GNG7: variants seen among roughly 807,000 people sequenced by gnomAD.
GNG7 encodes the protein G protein subunit gamma 7, also known as guanine nucleotide-binding protein G(I)/G(S)/G(O) subunit gamma-7.
In GNG7, 1 loss-of-function variant was observed where a neutral mutation model predicts 4.0. That is an observed-to-expected ratio of 0.25 (90% CI 0.09 to 1.18). GNG7 has a LOEUF of 1.18. Ranked by LOEUF, GNG7 falls within the 50% of genes most tolerant of loss-of-function variation. The probability of loss-of-function intolerance (pLI) is 0.50; values close to 1 mark genes in which losing one functional copy is unlikely to be tolerated. For missense variants in GNG7, 86 were observed against 91.9 expected (o/e 0.94, Z 0.26); for synonymous variants, 34 against 36.9 (o/e 0.92, Z 0.29).
intron 1 of GNG7, among the ~76,000 whole-genome samples, chr19:2,662,919 T>C (rs1419583175): frequency 6.6e-6 from 1 of 152,136 alleles, no homozygotes. Flanking sequence ...AGTCGACTTA[T>C]CATCATACAA....
intron 1 of GNG7, among the ~76,000 whole-genome samples, chr19:2,696,140 G>A (rs372225668): frequency 3.5e-4 from 53 of 149,966 alleles, no homozygotes; most frequent in Middle Eastern, 3.4e-3. Context: ...CCGGGAGACA[G>A]AGCAAGACTC....
chr19:2,512,944 A>G lies in GNG7; in HGVS notation c.*2078T>C, dbSNP rs941367483. Reference sequence around the variant, plus strand: ...CCCTGCCGGCTCCCAGCCCAACCACAGGAGGCTGCAGTCTCCGGGAGCCTC... The same window carrying G: ...CCCTGCCGGCTCCCAGCCCAACCACGGGAGGCTGCAGTCTCCGGGAGCCTC... On this transcript the variant is annotated 3_prime_UTR_variant, in exon 5 of 5. Transcript: ENST00000382159. The surrounding 1 kb of genome is among the most constrained non-coding windows in gnomAD (Gnocchi z 4.7). 6.1e-5 allele frequency: 60 copies of G among 985,360 alleles called. No homozygotes were observed. In the African/African-American group the frequency reaches 9.9e-4, roughly 16 times the overall value. The allele number at this position is 985,360 out of a possible 1,614,324, so 61.0% of individuals were successfully genotyped here.
intron 2 of GNG7, among the ~76,000 whole-genome samples, chr19:2,593,152 A>T (rs546635219): frequency 6.6e-6 from 1 of 152,350 alleles, no homozygotes. Context: ...AGCACAGACT[A>T]AAAACTTCAA....
In GNG7 at chr19:2,539,433, C is replaced by T. The variant is rs986446581; in HGVS notation, c.-38+15716G>A. On this transcript the variant is annotated intron_variant, in intron 3 of 4. Coordinates refer to ENST00000382159, the MANE Select transcript of GNG7 (RefSeq NM_052847.3). Reference sequence around the variant, plus strand: ...GATTCTCCTGCCTCAGCCTCCCGAGCAGCTGGGATTACAGGTGTCCGCCAC... The same window carrying T: ...GATTCTCCTGCCTCAGCCTCCCGAGTAGCTGGGATTACAGGTGTCCGCCAC... Among the ~76,000 whole-genome samples, 7 of 151,388 alleles carry T rather than the reference C, an allele frequency of 4.6e-5. No individual in the cohort carries two copies. In the East Asian group the frequency reaches 9.7e-4, roughly 21 times the overall value.
At chr19:2,589,817 T>C (rs772203340) in intron 2 of GNG7, among the ~76,000 whole-genome samples, 20 of 152,060 alleles carry the variant, frequency 1.3e-4, no homozygotes, top group Non-Finnish European at 5.9e-5. Flanking sequence ...CCCATTGACA[T>C]GAAATGTTCA....
rs186591321 is a variant in GNG7, at chr19:2,540,891, T to A, written c.-38+14258A>T. Among the ~76,000 whole-genome samples, 13 of 152,208 alleles carry A rather than the reference T, an allele frequency of 8.5e-5. No individual in the cohort carries two copies. The East Asian group carries it at 2.5e-3, about 29-fold the overall frequency. On this transcript the variant is annotated intron_variant, in intron 3 of 4. Transcript: ENST00000382159. ...TGAATTCCAAGCATAGTTCTCATAG[T>A]TGGGAAAGTGCCACTCCCGGCTCGA...
chr19:2,654,423 G>A (rs1031838666), intron 1 of GNG7, among the ~76,000 whole-genome samples: 3 of 151,982 alleles, frequency 2.0e-5, no homozygotes, highest in Non-Finnish European at 2.9e-5. Context: ...CAGCATCCCT[G>A]GCCTCCACCC....
intron 3 of GNG7, among the ~76,000 whole-genome samples, chr19:2,542,392 A>G (rs1978992411): frequency 6.6e-6 from 1 of 152,032 alleles, no homozygotes; most frequent in African/African-American, 2.4e-5. Context: ...CTGGGATTAC[A>G]GGTGCGAGTC....
intron 1 of GNG7, among the ~76,000 whole-genome samples, chr19:2,646,994 G>A (rs750632083): frequency 2.0e-5 from 3 of 152,286 alleles, no homozygotes; most frequent in Admixed American, 1.3e-4. Flanking sequence ...TGCATCCTGG[G>A]AAGTCCCTCA....
intron 3 of GNG7, among the ~76,000 whole-genome samples, chr19:2,551,037 C>T (rs925324339): frequency 1.3e-5 from 2 of 152,176 alleles, no homozygotes; most frequent in East Asian, 3.9e-4. Flanking sequence ...GACCTAATCC[C>T]CACGGCACGT....
At chr19:2,581,129 CAAGA>C (rs1980490201) in intron 2 of GNG7, among the ~76,000 whole-genome samples, 1 of 152,050 alleles carries the variant, frequency 6.6e-6, no homozygotes, top group Admixed American at 6.6e-5. Flanking sequence ...TATCAGGCCT[CAAGA>C]AAGACTTCCA....
intron 3 of GNG7, chr19:2,538,762 ATTTTTCT>A (rs778719349): frequency 2.5e-5 from 10 of 393,128 alleles, no homozygotes; most frequent in South Asian, 1.9e-4. Context: ...AGATATATAT[ATTTTTCT>A]TTTTTTTCTT....
intron 2 of GNG7, chr19:2,643,246 C>G (rs982021536): frequency 1.2e-5 from 5 of 414,524 alleles, no homozygotes; most frequent in African/African-American, 1.2e-4. Flanking sequence ...AAAGTCTGAG[C>G]CTCTCCGGGC....
intron 1 of GNG7, among the ~76,000 whole-genome samples, chr19:2,663,350 C>T (rs571710261): frequency 2.3e-4 from 35 of 151,658 alleles, no homozygotes; most frequent in Admixed American, 7.2e-4. Flanking sequence ...CTCTCTCCCC[C>T]CCCTCCTCTT....
chr19:2,553,586 C>T (rs189961997), intron 3 of GNG7, among the ~76,000 whole-genome samples: 133 of 148,756 alleles, frequency 8.9e-4, no homozygotes, highest in African/African-American at 2.9e-3. Flanking sequence ...ATCACATACA[C>T]GCACATATTA....
intron 1 of GNG7, among the ~76,000 whole-genome samples, chr19:2,696,322 GAAAGAAAGAAAGAAAGAAAGAAAGA>G (rs1568287884): frequency 3.1e-5 from 4 of 130,294 alleles, no homozygotes; most frequent in African/African-American, 1.2e-4. Flanking sequence ...AAGAAAGAAA[GAAAGAAAGAAAGAAAGAAAGAAAGA>G]AAAGAAAGAA....
intron 1 of GNG7, among the ~76,000 whole-genome samples, chr19:2,699,632 C>T (rs1179232570): frequency 6.6e-6 from 1 of 152,138 alleles, no homozygotes. Flanking sequence ...ACAAGGGTTC[C>T]ACACTGGAGT....
At chr19:2,526,601 T>C (rs377659983) in intron 3 of GNG7, among the ~76,000 whole-genome samples, 1 of 145,714 alleles carries the variant, frequency 6.9e-6, no homozygotes, top group South Asian at 2.2e-4. Flanking sequence ...AGTTTTGTAT[T>C]ACTAATATAT....
chr19:2,690,719 G>A (rs1454458524), intron 1 of GNG7, among the ~76,000 whole-genome samples: 1 of 152,044 alleles, frequency 6.6e-6, no homozygotes, highest in East Asian at 1.9e-4. Context: ...TCAGCCTCCT[G>A]AGTATCTGGG....
Sources: gnomAD v4.1 joint callset for allele counts (sites outside exome capture counted in the v4.1 genomes callset) on GRCh38, gnomAD v4.1.1 for gene constraint, Gnocchi (gnomAD v3.1) non-coding constraint, MANE v1.5 for transcripts, NCBI Gene and HGNC (gene_info 2026-07-23, HGNC 2026-07-21) for gene names.